BCL7C: variants seen among roughly 807,000 people sequenced by gnomAD.
BCL7C encodes the protein B-cell CLL/lymphoma 7 protein family member C.
A neutral mutation model predicts 26.2 loss-of-function variants in BCL7C; 8 were observed. That is an observed-to-expected ratio of 0.30 (90% CI 0.18 to 0.55). The LOEUF is 0.55. Among genes scored for constraint, BCL7C ranks in the 20% least tolerant of loss-of-function variants. BCL7C has a pLI of 0.93. For missense variants in BCL7C, 262 were observed against 298.5 expected (o/e 0.88, Z 0.90); for synonymous variants, 90 against 116.5 (o/e 0.77, Z 1.47).
Position 30,834,269 on chromosome 16 carries a change from G to C in BCL7C, c.*679C>G, listed in dbSNP as rs2054556556. On this transcript the variant is annotated 3_prime_UTR_variant, in exon 6 of 6. Transcript: ENST00000380317. This position sits in a 1 kb window ranked among gnomAD's most constrained non-coding sequence, Gnocchi z 4.3. ...AGGCGGGCGCCTGGGCTGAAAGGCC[G>C]CTTGTCCACATGGGTTCCCAGGTTG... 1 of 152,224 alleles carries C rather than the reference G, an allele frequency of 6.6e-6. No homozygotes were observed. Among genetic ancestry groups the C allele is most frequent in the Non-Finnish European group, 1.5e-5 (1 of 68,052 alleles). The allele number at this position is 152,224 out of a possible 1,614,324, so 9.4% of individuals were successfully genotyped here. A position where few individuals can be genotyped will look rare whatever the true frequency, so the allele number is the denominator to read the frequency against.
At chr16:30,843,573 A>G (rs533355162) in intron 5 of BCL7C, among the ~76,000 whole-genome samples, 1 of 151,980 alleles carries the variant, frequency 6.6e-6, no homozygotes, top group South Asian at 2.1e-4. Context: ...AAAACAAAAA[A>G]AAAAAGTTGG....
At chr16:30,860,319 T>C (rs933582736) in intron 5 of BCL7C, among the ~76,000 whole-genome samples, 2 of 152,210 alleles carry the variant, frequency 1.3e-5, no homozygotes, top group Non-Finnish European at 2.9e-5. Context: ...CACATTCCCT[T>C]GGTGGCAAGT....
At chr16:30,882,156 T>C (rs1369593263) in intron 5 of BCL7C, among the ~76,000 whole-genome samples, 1 of 151,972 alleles carries the variant, frequency 6.6e-6, no homozygotes, top group Non-Finnish European at 1.5e-5. Flanking sequence ...AGACATGGGG[T>C]GTCACCATGT....
intron 5 of BCL7C, among the ~76,000 whole-genome samples, chr16:30,871,671 G>A (rs1311165302): frequency 6.6e-6 from 1 of 152,128 alleles, no homozygotes; most frequent in Non-Finnish European, 1.5e-5. Context: ...TTTTAGTAGA[G>A]ACAGGGTTTC....
At chr16:30,866,199 T>C (rs1596598307) in intron 5 of BCL7C, among the ~76,000 whole-genome samples, 1 of 151,922 alleles carries the variant, frequency 6.6e-6, no homozygotes, top group East Asian at 1.9e-4. Flanking sequence ...GCATAATATT[T>C]TGATGGAGGA....
chr16:30,837,210 C>A (rs932181731), intron 5 of BCL7C, among the ~76,000 whole-genome samples: 1 of 152,056 alleles, frequency 6.6e-6, no homozygotes, highest in African/African-American at 2.4e-5. Context: ...ATAGTGTTTA[C>A]CATTAAAATA....
At chr16:30,873,230 A>G (rs559046818) in intron 5 of BCL7C, among the ~76,000 whole-genome samples, 1 of 67,746 alleles carries the variant, frequency 1.5e-5, no homozygotes, top group South Asian at 2.4e-4. Flanking sequence ...GAGCTCAAGG[A>G]GTTGATTTTG....
At chr16:30,842,859 C>T (rs1420792635) in intron 5 of BCL7C, among the ~76,000 whole-genome samples, 5 of 152,164 alleles carry the variant, frequency 3.3e-5, no homozygotes, top group African/African-American at 4.8e-5. Context: ...TGAGCCACCG[C>T]GCCCAGCCAT....
chr16:30,889,531 C>A (rs2055191365), intron 4 of BCL7C, among the ~76,000 whole-genome samples: 1 of 152,076 alleles, frequency 6.6e-6, no homozygotes, highest in Non-Finnish European at 1.5e-5. Context: ...GCTGTGTCCC[C>A]CAGGCTGGAG....
At chr16:30,877,967 G>A (rs2054976978) in intron 5 of BCL7C, among the ~76,000 whole-genome samples, 1 of 151,210 alleles carries the variant, frequency 6.6e-6, no homozygotes, top group Non-Finnish European at 1.5e-5. Context: ...CTGAGGTCAG[G>A]AGTTCGAGAC....
intron 5 of BCL7C, among the ~76,000 whole-genome samples, chr16:30,869,819 T>G (rs990651993): frequency 3.3e-5 from 5 of 152,194 alleles, no homozygotes; most frequent in Non-Finnish European, 7.4e-5. Flanking sequence ...GGCCTTTTTC[T>G]GTCTTTTCTG....
At chr16:30,865,766 AC>A (rs2054820582) in intron 5 of BCL7C, among the ~76,000 whole-genome samples, 1 of 120,220 alleles carries the variant, frequency 8.3e-6, no homozygotes, top group Non-Finnish European at 1.6e-5. Context: ...TTGTTCTGTC[AC>A]CCAGGCTGGA....
At chr16:30,864,014 C>CA (rs764766789) in intron 5 of BCL7C, among the ~76,000 whole-genome samples, 3 of 152,132 alleles carry the variant, frequency 2.0e-5, no homozygotes, top group Non-Finnish European at 4.4e-5. Context: ...CTACCTCTCC[C>CA]CAGCTATCTC....
At chr16:30,846,897 T>A (rs555183498) in intron 5 of BCL7C, among the ~76,000 whole-genome samples, 1 of 152,356 alleles carries the variant, frequency 6.6e-6, no homozygotes, top group South Asian at 2.1e-4. Flanking sequence ...GTGAAGTGCC[T>A]ACTGAAGCAC....
At position 30,893,783 on chromosome 16, in the gene BCL7C, G is replaced by A. The variant is rs892395553; in HGVS notation, c.92+70C>T. On this transcript the variant is annotated intron_variant, in intron 1 of 5. Coordinates refer to ENST00000215115, the MANE Select transcript of BCL7C (RefSeq NM_004765.4). This position sits in a 1 kb window ranked among gnomAD's most constrained non-coding sequence, Gnocchi z 5.2. ...AACACCCGGGGCCCAGAGCTGGCGA[G>A]GGCAGCGTAGACGCCTTTGGTGCTG... The A allele has an allele frequency of 7.1e-7, 1 of 1,413,642 alleles. No individual in the cohort carries two copies. The highest frequency in any genetic ancestry group is 9.8e-7 in the Non-Finnish European group (1 of 1,016,274). 87.6% of individuals were successfully genotyped at this position (1,413,642 alleles called of 1,614,324 possible).
chr16:30,868,638 A>G (rs1375428886), intron 5 of BCL7C, among the ~76,000 whole-genome samples: 3 of 151,424 alleles, frequency 2.0e-5, no homozygotes, highest in Admixed American at 1.3e-4. Context: ...ATACAAAATT[A>G]GCCAGGTGTG....
At chr16:30,865,299 G>A (rs140897959) in intron 5 of BCL7C, among the ~76,000 whole-genome samples, 1 of 151,812 alleles carries the variant, frequency 6.6e-6, no homozygotes, top group Non-Finnish European at 1.5e-5. Flanking sequence ...CTCCTCTTTC[G>A]GACTCAGCCC....
chr16:30,858,942 G>A (rs2054747419), intron 5 of BCL7C, among the ~76,000 whole-genome samples: 1 of 152,152 alleles, frequency 6.6e-6, no homozygotes, highest in Non-Finnish European at 1.5e-5. Flanking sequence ...TTACTTATAA[G>A]GGAACGAGAA....
chr16:30,860,975 G>A (rs750078248), intron 5 of BCL7C, among the ~76,000 whole-genome samples: 19 of 151,840 alleles, frequency 1.3e-4, no homozygotes, highest in Non-Finnish European at 2.8e-4. Flanking sequence ...TTTTTTCCGC[G>A]ACTAGCCCTC....
Sources: gnomAD v4.1 joint callset for allele counts (sites outside exome capture counted in the v4.1 genomes callset) on GRCh38, gnomAD v4.1.1 for gene constraint, Gnocchi (gnomAD v3.1) non-coding constraint, MANE v1.5 for transcripts, NCBI Gene and HGNC (gene_info 2026-07-23, HGNC 2026-07-21) for gene names.